The following WRN variants were observed in gnomAD, a reference collection of about 807,000 sequenced individuals.
WRN encodes the protein WRN RecQ like helicase.
A neutral mutation model predicts 180.7 loss-of-function variants in WRN; 149 were observed. The observed-to-expected ratio is 0.82, with a 90% CI of 0.72 to 0.94. The LOEUF (loss-of-function observed/expected upper bound fraction) is 0.94. WRN is among the 40% of genes least tolerant of loss of function. The pLI is 0.00. For synonymous variants in WRN, 548 were observed against 568.9 expected (o/e 0.96, Z 0.52); for missense variants, 1,661 against 1,700.1 (o/e 0.98, Z 0.40).
chr8:31,087,970 G>T, intron 12 of WRN, 50 bp downstream of exon 12: 1 of 1,591,370 alleles, frequency 6.3e-7, no homozygotes. Context: ...ACCTACCACT[G>T]ACTTTAACTT....
At chr8:31,092,499 A>T (rs1437897467) in intron 16 of WRN, among the ~76,000 whole-genome samples, 1 of 151,834 alleles carries the variant, frequency 6.6e-6, no homozygotes, top group East Asian at 1.9e-4. Flanking sequence ...ACACTTATAT[A>T]TACATACACA....
intron 11 of WRN, 93 bp from the exon 12 acceptor site, chr8:31,087,683 G>A (rs2130154145): frequency 3.0e-6 from 4 of 1,332,462 alleles, no homozygotes; most frequent in Non-Finnish European, 4.3e-6. Context: ...CGACAAAATT[G>A]TAGGCCCTGT....
chr8:31,141,173 C>T (rs1445486033), intron 24 of WRN, among the ~76,000 whole-genome samples: 1 of 152,074 alleles, frequency 6.6e-6, no homozygotes, highest in Admixed American at 6.5e-5. Flanking sequence ...ATATCCAAAC[C>T]TATACACTGG....
Position 31,080,856 on chromosome 8 carries a change from T to G in WRN, c.840-11T>G. 1 of 1,586,964 alleles carries G rather than the reference T, an allele frequency of 6.3e-7. No individual in the cohort carries two copies. Among genetic ancestry groups the G allele is most frequent in the Non-Finnish European group, 8.6e-7 (1 of 1,167,082 alleles). On this transcript the variant is annotated splice_polypyrimidine_tract_variant and intron_variant, in intron 8 of 34. Coordinates refer to ENST00000298139, the MANE Select transcript of WRN (RefSeq NM_000553.6). ...TGAAGTTGAATTAATCTTTCTTAAT[T>G]TTTTTTTTAGGGTTTCTATCTTACT... is the stretch of plus-strand genomic sequence containing the variant.
intron 3 of WRN, among the ~76,000 whole-genome samples, chr8:31,060,367 G>A (rs1014935553): frequency 2.6e-5 from 4 of 152,124 alleles, no homozygotes; most frequent in African/African-American, 4.8e-5. Context: ...AGGAGTTTGA[G>A]ACCAGCCATA....
At chr8:31,114,312 T>G (rs1368037734) in intron 19 of WRN, among the ~76,000 whole-genome samples, 1 of 152,170 alleles carries the variant, frequency 6.6e-6, no homozygotes. Context: ...TATAATATAT[T>G]CATAGTACAT....
In WRN at chr8:31,124,568, T is replaced by G. The variant is rs764367192; in HGVS notation, c.2677T>G (p.Leu893Val). 5.0e-6 allele frequency: 8 copies of G among 1,612,942 alleles called. No homozygotes were observed. Among genetic ancestry groups the G allele is most frequent in the Non-Finnish European group, 6.8e-6 (8 of 1,179,250 alleles). ...TAATGAGAAGTTTCGATTATACAAA[T>G]TAAAGATGATGGCAAAGATGGAAAA... Reference protein sequence around the residue: ...IRNEKFRLYKLKMMAKMEKYL... With the variant: ...IRNEKFRLYKVKMMAKMEKYL... The change falls in exon 22 of 35, where the codon TTA (leucine) becomes GTA (valine). Residue 893 changes from leucine to valine, a missense_variant. This residue lies in a region of WRN where 1,141 missense variants were observed against 1,149.4 expected (regional missense o/e 0.99). Coordinates refer to ENST00000298139, the MANE Select transcript of WRN (RefSeq NM_000553.6).
intron 24 of WRN, among the ~76,000 whole-genome samples, chr8:31,140,011 T>TTTTTG (rs1802553352): frequency 9.6e-6 from 1 of 103,834 alleles, no homozygotes; most frequent in African/African-American, 3.7e-5. Context: ...TTGTTTTTTT[T>TTTTTG]TTTTTTTTTT....
intron 16 of WRN, among the ~76,000 whole-genome samples, chr8:31,096,111 A>G (rs575751279): frequency 3.7e-4 from 56 of 152,380 alleles, no homozygotes; most frequent in African/African-American, 1.2e-3. Flanking sequence ...GTTAATTAGA[A>G]TACAATATTA....
chr8:31,042,079 G>T (rs530845591), intron 1 of WRN, among the ~76,000 whole-genome samples: 2 of 152,188 alleles, frequency 1.3e-5, no homozygotes, highest in Non-Finnish European at 2.9e-5. Flanking sequence ...CCAGTTAGAT[G>T]AAAAGATTGT....
intron 1 of WRN, among the ~76,000 whole-genome samples, chr8:31,037,671 C>T (rs953138837): frequency 6.6e-5 from 10 of 152,188 alleles, no homozygotes; most frequent in African/African-American, 2.4e-4. Flanking sequence ...GGGTTCTTGG[C>T]TCTTTTGTCA....
At chr8:31,172,946 T>G in intron 34 of WRN, 49 bp from the exon 35 acceptor site, 1 of 1,577,770 alleles carries the variant, frequency 6.3e-7, no homozygotes. Context: ...CTAATACCCC[T>G]TCTCAGTAGT....
chr8:31,076,912 T>C (rs180803760), intron 8 of WRN, among the ~76,000 whole-genome samples: 37 of 152,340 alleles, frequency 2.4e-4, no homozygotes, highest in African/African-American at 8.7e-4. Context: ...CTTTTTGGAA[T>C]CAGACCTTGT....
intron 34 of WRN, among the ~76,000 whole-genome samples, chr8:31,167,769 A>AT (rs1803956581): frequency 6.6e-6 from 1 of 152,104 alleles, no homozygotes; most frequent in African/African-American, 2.4e-5. Context: ...TTAAAATCAA[A>AT]TGCTTCAAAA....
intron 3 of WRN, among the ~76,000 whole-genome samples, chr8:31,062,529 T>TCCTGAGTA (rs1812526367): frequency 6.6e-6 from 1 of 151,736 alleles, no homozygotes; most frequent in South Asian, 2.1e-4. Context: ...TGCCTCAGCC[T>TCCTGAGTA]CCTGAGTAGC....
At chr8:31,100,815 A>G (rs199532090) in intron 17 of WRN, 34 bp from the exon 18 acceptor site, 13 of 1,542,956 alleles carry the variant, frequency 8.4e-6, no homozygotes, top group Admixed American at 3.7e-5. Flanking sequence ...TTCGAGCTTT[A>G]TCTTTTCCTT....
chr8:31,133,436 A>T (rs555691354), intron 24 of WRN, among the ~76,000 whole-genome samples: 90 of 152,156 alleles, frequency 5.9e-4, no homozygotes, highest in African/African-American at 2.0e-3. Flanking sequence ...GAGGCAGGAG[A>T]ATGGCGTGAA....
intron 24 of WRN, among the ~76,000 whole-genome samples, chr8:31,141,042 A>G (rs1318015505): frequency 6.6e-6 from 1 of 152,172 alleles, no homozygotes; most frequent in Non-Finnish European, 1.5e-5. Context: ...GGCATGCCGC[A>G]TTGCGTTTTA....
At chr8:31,171,565 C>T (rs1804103817) in intron 34 of WRN, 1 of 152,182 alleles carries the variant, frequency 6.6e-6, no homozygotes, top group Admixed American at 6.5e-5. Context: ...ATTTTCTCTT[C>T]CCTGCTTGCA....
Sources: gnomAD v4.1 joint callset for allele counts (sites outside exome capture counted in the v4.1 genomes callset) on GRCh38, gnomAD v4.1.1 for gene constraint, gnomAD v4.1.1 regional missense constraint, MANE v1.5 for transcripts, NCBI Gene and HGNC (gene_info 2026-07-23, HGNC 2026-07-21) for gene names.